ESPNL: variants seen among roughly 807,000 people sequenced by gnomAD.
ESPNL encodes the protein espin-like protein.
Under a neutral mutation model 46.8 loss-of-function variants are expected in ESPNL, and 49 were observed. That is an observed-to-expected ratio of 1.05 (90% CI 0.83 to 1.33). ESPNL has a LOEUF of 1.33. Ranked by LOEUF, ESPNL falls within the 40% of genes most tolerant of loss-of-function variation. The pLI is 0.00. For synonymous variants in ESPNL, 664 were observed against 662.1 expected (o/e 1.00, Z -0.04); for missense variants, 1,540 against 1,436.6 (o/e 1.07, Z -1.16).
chr2:238,110,068 A>C (rs1284692341), intron 4 of ESPNL, among the ~76,000 whole-genome samples: 1 of 151,184 alleles, frequency 6.6e-6, no homozygotes, highest in Non-Finnish European at 1.5e-5. Flanking sequence ...TTAGGATGCC[A>C]CACGTTACCG....
In ESPNL at chr2:238,114,852, G is replaced by A. The variant is rs983776373; in HGVS notation, c.856-2051G>A. On this transcript the variant is annotated intron_variant, in intron 4 of 8. Transcript: ENST00000343063. This position sits in a 1 kb window ranked among gnomAD's most constrained non-coding sequence, Gnocchi z 5.0. Reference sequence around the variant, plus strand: ...GGCCACGCTATGGGTGGCAGCTTTCGCACCACGACCAGGGTTGCATATTTG... The same window carrying A: ...GGCCACGCTATGGGTGGCAGCTTTCACACCACGACCAGGGTTGCATATTTG... Among the ~76,000 whole-genome samples the A allele has an allele frequency of 9.2e-5, 14 of 152,206 alleles. No homozygotes were observed. The highest frequency in any genetic ancestry group is 1.5e-4 in the Non-Finnish European group (10 of 68,046).
Position 238,130,089 on chromosome 2 carries a change from G to A in ESPNL, c.1414-39G>A, listed in dbSNP as rs201566062. The A allele has an allele frequency of 5.7e-4, 900 of 1,575,876 alleles. 5 individuals carry two copies. Among genetic ancestry groups the A allele is most frequent in the Non-Finnish European group, 1.0e-4 (119 of 1,158,002 alleles). ...AGCTAGGTGGGCTGATGGTGGGTGG[G>A]TGGGCTCACCCTGCTCACCCTGCCC... On this transcript the variant is annotated intron_variant, in intron 8 of 8. Transcript: ENST00000343063.
intron 5 of ESPNL, among the ~76,000 whole-genome samples, chr2:238,119,752 A>C (rs13385941): frequency 0.18 from 27,175 of 151,968 alleles, 2,606 homozygotes; most frequent in East Asian, 0.24. Context: ...GGGACTGAGG[A>C]CTGGAAGGTG....
In ESPNL at chr2:238,131,735, C is replaced by G. The variant is rs1354066950; in HGVS notation, c.*3C>G. 1 of 1,569,246 alleles carries G rather than the reference C, an allele frequency of 6.4e-7. No individual in the cohort carries two copies. The highest frequency in any genetic ancestry group is 1.2e-5 in the South Asian group (1 of 86,140). The stretch of plus-strand genomic sequence containing the variant: ...AGATGTTCAACTTTGGAGAATGACC[C>G]TACTGGCAGCCTGCTTTCCAGAATG... On this transcript the variant is annotated 3_prime_UTR_variant, in exon 9 of 9. Coordinates refer to ENST00000343063, the MANE Select transcript of ESPNL (RefSeq NM_194312.4).
Position 238,130,749 on chromosome 2 carries a change from C to T in ESPNL, c.2035C>T (p.Gln679Ter). ...FNPGPCEPGA[Q>*]HRQCLSGCWP... is the part of the protein sequence containing the mutation. ...CCCTGGCCCCTGCGAGCCGGGGGCCCAGCACAGGCAGTGCCTGAGTGGCTG... is the reference window on the plus strand; with the variant it reads ...CCCTGGCCCCTGCGAGCCGGGGGCCTAGCACAGGCAGTGCCTGAGTGGCTG... The change falls in exon 9 of 9, where the codon CAG becomes TAG. Residue 679 changes from glutamine (Q) to a stop codon, truncating the protein, a stop_gained. Coordinates refer to ENST00000343063, the MANE Select transcript of ESPNL (RefSeq NM_194312.4). LOFTEE classifies it low-confidence loss of function (END_TRUNC). 6.4e-7 allele frequency: 1 copy of T among 1,562,596 alleles called. No individual in the cohort carries two copies. The highest frequency in any genetic ancestry group is 8.6e-7 in the Non-Finnish European group (1 of 1,157,918).
intron 2 of ESPNL, 59 bp from the exon 3 acceptor site, chr2:238,104,597 C>G: frequency 1.4e-6 from 2 of 1,480,432 alleles, no homozygotes; most frequent in Non-Finnish European, 1.8e-6. Flanking sequence ...TCCAAGCAGC[C>G]GAGGGATGGG....
chr2:238,109,603 C>T (rs1301128228), intron 4 of ESPNL, among the ~76,000 whole-genome samples: 1 of 152,214 alleles, frequency 6.6e-6, no homozygotes, highest in Admixed American at 6.5e-5. Context: ...GCAATCCTCC[C>T]ACCTCAGCCT....
At chr2:238,127,150 GTGTGTA>G (rs1692157026) in intron 6 of ESPNL, among the ~76,000 whole-genome samples, 1 of 151,494 alleles carries the variant, frequency 6.6e-6, no homozygotes, top group African/African-American at 2.4e-5. Context: ...TGTCTGTGTT[GTGTGTA>G]TGTGATTGTG....
At chr2:238,119,408 GTGGAT>G (rs1691927185) in intron 5 of ESPNL, among the ~76,000 whole-genome samples, 17 of 146,140 alleles carry the variant, frequency 1.2e-4, no homozygotes, top group South Asian at 2.3e-4. Context: ...GATGGAGGAG[GTGGAT>G]GGAGGAGGGT....
At position 238,125,255 on chromosome 2, in the gene ESPNL, C is replaced by T. The variant is rs762361432; in HGVS notation, c.988-15C>T. 2.2e-6 allele frequency: 3 copies of T among 1,380,190 alleles called. No homozygotes were observed. The highest frequency in any genetic ancestry group is 2.6e-5 in the East Asian group (1 of 38,758). 85.5% of individuals were successfully genotyped at this position (1,380,190 alleles called of 1,614,324 possible). A position where few individuals can be genotyped will look rare whatever the true frequency, so the allele number is the denominator to read the frequency against. On this transcript the variant is annotated splice_polypyrimidine_tract_variant and intron_variant, in intron 5 of 8. Coordinates refer to ENST00000343063, the MANE Select transcript of ESPNL (RefSeq NM_194312.4). ...CCACGGGGGTCCCCCACTGACCAGG[C>T]CCATTCACCCACAGGTGCCCCTGCT...
intron 5 of ESPNL, among the ~76,000 whole-genome samples, chr2:238,121,443 G>T (rs183875960): frequency 1.9e-3 from 286 of 152,380 alleles, no homozygotes; most frequent in African/African-American, 6.7e-3. Flanking sequence ...TGTCACCCAG[G>T]CTGGAGTGCA....
intron 1 of ESPNL, among the ~76,000 whole-genome samples, chr2:238,101,360 C>G (rs1025095135): frequency 3.3e-5 from 5 of 152,222 alleles, no homozygotes; most frequent in African/African-American, 1.2e-4. Context: ...CAGCACCTGG[C>G]TCGCCAGAGC....
chr2:238,108,025 C>A (rs1168617111), intron 4 of ESPNL, 52 bp downstream of exon 4: 1 of 1,528,818 alleles, frequency 6.5e-7, no homozygotes. Context: ...GCCAGCCATG[C>A]CCAGTGCTGT....
Position 238,130,989 on chromosome 2 carries a change from A to G in ESPNL, c.2275A>G (p.Lys759Glu), listed in dbSNP as rs1326731641. The change falls in exon 9 of 9, where the codon AAG (lysine) becomes GAG (glutamate). Residue 759 changes from lysine (K) to glutamate (E), a missense_variant. Transcript: ENST00000343063. Reference sequence around the variant, plus strand: ...GAGATCGGCCTACACGCCGGCCCTCAAGACAGTGGCCTGCAGGACCCTAGG... The same window carrying G: ...GAGATCGGCCTACACGCCGGCCCTCGAGACAGTGGCCTGCAGGACCCTAGG... ...WRRSAYTPAL[K>E]TVACRTLGAR... is the part of the protein sequence containing the mutation. The G allele has an allele frequency of 3.2e-6, 5 of 1,547,446 alleles. No homozygotes were observed. The Admixed American group carries it at 7.8e-5, about 24-fold the overall frequency.
rs555127852 is a variant in ESPNL at position 238,124,305 on chromosome 2, G to A, written c.988-965G>A. ...AGCTTTGGTCTGACAGGCACAGTGG[G>A]GGAGGTGCCCAGAGGGACGGTGGCA... On this transcript the variant is annotated intron_variant, in intron 5 of 8. Transcript: ENST00000343063. Among the ~76,000 whole-genome samples the A allele has an allele frequency of 2.4e-3, 363 of 152,358 alleles. 2 individuals are homozygous for A. Among genetic ancestry groups the A allele is most frequent in the South Asian group, 0.013 (64 of 4,834 alleles).
At chr2:238,124,166 C>T (rs1377527625) in intron 5 of ESPNL, among the ~76,000 whole-genome samples, 1 of 152,232 alleles carries the variant, frequency 6.6e-6, no homozygotes, top group Non-Finnish European at 1.5e-5. Context: ...GCCACATGTC[C>T]AGAATCGTGG....
chr2:238,128,751 C>T lies in ESPNL; in HGVS notation c.1260C>T (p.Ala420=), dbSNP rs1692201321. Residue 420 remains alanine (A), a synonymous_variant, in exon 8 of 9, where the codon GCC becomes GCT. Transcript: ENST00000343063. The part of the protein sequence containing the change: ...ALAGDTSDGL[A]ALQLDGLPSG... ...CGGGGGACACCTCAGATGGCCTGGCCGCACTACAGCTGGATGGGCTGCCCT... is the reference window on the plus strand; with the variant it reads ...CGGGGGACACCTCAGATGGCCTGGCTGCACTACAGCTGGATGGGCTGCCCT... 2.5e-6 allele frequency: 4 copies of T among 1,599,870 alleles called. No individual in the cohort carries two copies. Among genetic ancestry groups the T allele is most frequent in the Middle Eastern group, 1.7e-4 (1 of 6,010 alleles).
chr2:238,117,110 A>T, intron 5 of ESPNL, 76 bp downstream of exon 5: 1 of 1,506,318 alleles, frequency 6.6e-7, no homozygotes, highest in Non-Finnish European at 8.9e-7. Flanking sequence ...CCACTGCTGA[A>T]CCTGCAGCAT....
At chr2:238,117,136 T>A in intron 5 of ESPNL, 102 bp downstream of exon 5, 1 of 1,431,036 alleles carries the variant, frequency 7.0e-7, no homozygotes, top group Non-Finnish European at 9.3e-7. Context: ...GCTGGGAAGC[T>A]CACCATGTCC....
Sources: allele counts gnomAD v4.1 joint callset (sites outside exome capture counted in the v4.1 genomes callset), GRCh38; gene constraint gnomAD v4.1.1; non-coding constraint Gnocchi (gnomAD v3.1); transcripts MANE v1.5; gene names NCBI Gene and HGNC (gene_info 2026-07-23, HGNC 2026-07-21).